Variants in MDH1B observed in about 807,000 individuals in gnomAD.
The protein encoded by MDH1B is putative malate dehydrogenase 1B.
In MDH1B, 60 loss-of-function variants were observed where a neutral mutation model predicts 61.4. The observed-to-expected ratio is 0.98, with a 90% CI of 0.79 to 1.21. The LOEUF is 1.21. Ranked by LOEUF, MDH1B falls within the 50% of genes most tolerant of loss-of-function variation. The probability of loss-of-function intolerance (pLI) is 0.00; values close to 1 mark genes in which losing one functional copy is unlikely to be tolerated. For missense variants in MDH1B, 587 were observed against 632.1 expected (o/e 0.93, Z 0.76); for synonymous variants, 236 against 218.7 (o/e 1.08, Z -0.70).
At chr2:206,740,566 A>C (rs1035405449) in intron 10 of MDH1B, among the ~76,000 whole-genome samples, 1 of 152,194 alleles carries the variant, frequency 6.6e-6, no homozygotes, top group Non-Finnish European at 1.5e-5. Flanking sequence ...GGTCAACAGC[A>C]TATGTGTGTG....
Position 206,739,541 on chromosome 2 carries a change from G to C in MDH1B, c.1528+52C>G, listed in dbSNP as rs562155997. ...AGGAAATTTGATCCTCTATTACCCA[G>C]TTCCACTTGTAGAATAAGAAAATAC... On this transcript the variant is annotated intron_variant, in intron 11 of 11. Coordinates refer to ENST00000374412, the MANE Select transcript of MDH1B (RefSeq NM_001039845.3). 16 of 1,504,418 alleles carry C rather than the reference G, an allele frequency of 1.1e-5. No homozygotes were observed. The South Asian group carries it at 1.5e-4, about 14-fold the overall frequency. The allele number at this position is 1,504,418 out of a possible 1,614,324, so 93.2% of individuals were successfully genotyped here.
chr2:206,750,769 A>G (rs1016190878), intron 6 of MDH1B, among the ~76,000 whole-genome samples, 165 bp downstream of exon 6: 1 of 152,234 alleles, frequency 6.6e-6, no homozygotes, highest in Admixed American at 6.5e-5. Flanking sequence ...CCTAGTTGAT[A>G]TTCTGTGGAA....
chr2:206,765,223 C>T (rs1282754546), intron 1 of MDH1B, 27 bp downstream of exon 1: 1 of 1,601,074 alleles, frequency 6.2e-7, no homozygotes. Context: ...TTTGAGCAAT[C>T]TGCGGGCGGA....
intron 5 of MDH1B, among the ~76,000 whole-genome samples, chr2:206,753,581 C>T (rs1688578233): frequency 6.6e-6 from 1 of 152,144 alleles, no homozygotes; most frequent in Admixed American, 6.5e-5. Flanking sequence ...AAAAGGTTTG[C>T]CACCCTCTTG....
chr2:206,757,142 A>G, intron 3 of MDH1B, 95 bp downstream of exon 3: 2 of 1,519,534 alleles, frequency 1.3e-6, no homozygotes, highest in Non-Finnish European at 1.8e-6. Context: ...CAATAAAAAG[A>G]GACATGAGAG....
chr2:206,759,634 G>C (rs11888576), intron 2 of MDH1B, among the ~76,000 whole-genome samples: 56,183 of 152,034 alleles, frequency 0.37, 12,469 homozygotes, highest in East Asian at 0.75. Flanking sequence ...TCATTCTGAC[G>C]GGTATGAGAT....
At chr2:206,756,581 A>C in intron 4 of MDH1B, 1 of 264,828 alleles carries the variant, frequency 3.8e-6, no homozygotes. Context: ...AGAAAGCTCT[A>C]GCACGTGGGA....
At position 206,751,009 on chromosome 2, in the gene MDH1B, C is replaced by T; in HGVS notation, c.977G>A (p.Arg326Lys). 6.2e-7 allele frequency: 1 copy of T among 1,610,556 alleles called. No homozygotes were observed. Among genetic ancestry groups the T allele is most frequent in the Non-Finnish European group, 8.5e-7 (1 of 1,177,734 alleles). ...AATGGCACTCTCATATCTGTACACC[C>T]TTGTTTTTCTCAGATCAACGTAATT... ...GNNYVDLRKT[R>K]VYRYESAIWG... The change falls in exon 6 of 12, where the codon AGG becomes AAG. Residue 326 changes from arginine (R) to lysine (K), a missense_variant. Arg to Lys is a conservative substitution (Grantham distance 26, BLOSUM62 2). Transcript: ENST00000374412.
At chr2:206,742,751 C>A (rs373326059) in intron 9 of MDH1B, among the ~76,000 whole-genome samples, 201 of 123,988 alleles carry the variant, frequency 1.6e-3, no homozygotes, top group African/African-American at 5.6e-3. Context: ...GAGTCTCATT[C>A]TGTCATCCAG....
intron 10 of MDH1B, 90 bp from the exon 11 acceptor site, chr2:206,739,751 A>C: frequency 8.6e-7 from 1 of 1,164,014 alleles, no homozygotes; most frequent in South Asian, 1.3e-5. Flanking sequence ...TGTTCCTTCC[A>C]CTCTGAGGTT....
At chr2:206,740,111 A>C (rs1687725960) in intron 10 of MDH1B, among the ~76,000 whole-genome samples, 1 of 152,176 alleles carries the variant, frequency 6.6e-6, no homozygotes. Context: ...ATTTGCAAGC[A>C]CTCACATTAT....
At chr2:206,753,547 G>A (rs13004504) in intron 5 of MDH1B, among the ~76,000 whole-genome samples, 67,361 of 151,958 alleles carry the variant, frequency 0.44, 15,594 homozygotes, top group Non-Finnish European at 0.51. Context: ...GAACTTAGGG[G>A]TTATCATGAA....
Position 206,749,147 on chromosome 2 carries a change from T to C in MDH1B, c.1089A>G (p.Lys363=), listed in dbSNP as rs1008776041. The change falls in exon 7 of 12, where the codon AAA becomes AAG. Residue 363 remains lysine (K), a synonymous_variant. Transcript: ENST00000374412. The part of the protein sequence containing the change: ...WVKREFVAIL[K]NLTTTGRQFG... The stretch of plus-strand genomic sequence containing the variant: ...ATTGTCTTCCTGTGGTGGTCAAGTT[T>C]TTAAGAATTGCCACAAATTCTCTTT... The C allele has an allele frequency of 2.4e-5, 38 of 1,613,992 alleles. No individual in the cohort carries two copies. Among genetic ancestry groups the C allele is most frequent in the Non-Finnish European group, 2.9e-5 (34 of 1,180,012 alleles).
Position 206,750,929 on chromosome 2 carries a change from T to G in MDH1B, c.1052+5A>C. ...CAGTATGCTTCACTTCAAAATATAC[T>G]GTACCTGTCAAAAATCAAGTTTAAA... On this transcript the variant is annotated splice_donor_5th_base_variant and intron_variant, in intron 6 of 11. Coordinates refer to ENST00000374412, the MANE Select transcript of MDH1B (RefSeq NM_001039845.3). 1 of 1,600,580 alleles carries G rather than the reference T, an allele frequency of 6.2e-7. No homozygotes were observed. The highest frequency in any genetic ancestry group is 2.2e-5 in the East Asian group (1 of 44,668).
At chr2:206,755,808 A>G (rs1257822670) in intron 4 of MDH1B, among the ~76,000 whole-genome samples, 3 of 152,078 alleles carry the variant, frequency 2.0e-5, no homozygotes, top group African/African-American at 7.2e-5. Flanking sequence ...AAACTATTAT[A>G]TTACTGTAAT....
intron 9 of MDH1B, among the ~76,000 whole-genome samples, chr2:206,742,570 C>T (rs1687871448): frequency 6.6e-6 from 1 of 152,070 alleles, no homozygotes; most frequent in African/African-American, 2.4e-5. Context: ...TGTTGATTCT[C>T]CTCAGTAGCC....
rs1689059527 is a variant in MDH1B at position 206,760,980 on chromosome 2, T to C, written c.56A>G (p.Glu19Gly). The C allele has an allele frequency of 6.2e-7, 1 of 1,611,576 alleles. No individual in the cohort carries two copies. Among genetic ancestry groups the C allele is most frequent in the Non-Finnish European group, 8.5e-7 (1 of 1,178,078 alleles). ...CTTTTGTAAATAGTCTGCCACAAGT[T>C]CTGTTTTAGCATAATATGGACAATC... ...RADCPYYAKT[E>G]LVADYLQKNL... The change falls in exon 2 of 12, where the codon GAA (glutamate) becomes GGA (glycine). Residue 19 changes from glutamate (E) to glycine (G), a missense_variant. By Grantham distance (98) the Glu-to-Gly change is moderately conservative. Coordinates refer to ENST00000374412, the MANE Select transcript of MDH1B (RefSeq NM_001039845.3).
At chr2:206,744,844 G>A (rs537672996) in intron 9 of MDH1B, among the ~76,000 whole-genome samples, 7 of 152,174 alleles carry the variant, frequency 4.6e-5, no homozygotes, top group South Asian at 2.1e-4. Context: ...AGAATCGCTC[G>A]TACCTGGGAG....
At position 206,765,260 on chromosome 2, in the gene MDH1B, G is replaced by C. The variant is rs370265779; in HGVS notation, c.12C>G (p.Phe4Leu). MAK[F>L]VIAGRADCPY... ...GCGGGGATCACTCACCCGCGATGAC[G>C]AATTTGGCCATGGTCGAGAGAGACT... Residue 4 changes from phenylalanine to leucine, a missense_variant, in exon 1 of 12, where the codon TTC becomes TTG. Phe to Leu is a conservative substitution (Grantham distance 22). Transcript: ENST00000374412. The C allele has an allele frequency of 1.1e-4, 170 of 1,602,294 alleles. 1 individual carries two copies. In the South Asian group the frequency reaches 1.1e-3, roughly 10 times the overall value.
Sources: gnomAD v4.1 joint callset for allele counts (sites outside exome capture counted in the v4.1 genomes callset) on GRCh38, gnomAD v4.1.1 for gene constraint, MANE v1.5 for transcripts, NCBI Gene and HGNC (gene_info 2026-07-23, HGNC 2026-07-21) for gene names.